The following IL23R variants were observed in gnomAD, a reference collection of about 807,000 sequenced individuals.
IL23R encodes the protein interleukin-23 receptor.
In IL23R, 34 loss-of-function variants were observed where a neutral mutation model predicts 56.9. That is an observed-to-expected ratio of 0.60 (90% CI 0.45 to 0.80). IL23R has a LOEUF of 0.80. Ranked by LOEUF, IL23R falls within the 30% of genes least tolerant of loss-of-function variation. The pLI, the probability that IL23R is intolerant of heterozygous loss-of-function variation, is 0.00. For synonymous variants in IL23R, 230 were observed against 249.2 expected (o/e 0.92, Z 0.73); for missense variants, 635 against 730.0 (o/e 0.87, Z 1.50).
intron 5 of IL23R, among the ~76,000 whole-genome samples, chr1:67,204,958 T>G (rs1359107326): frequency 2.0e-5 from 3 of 152,100 alleles, no homozygotes; most frequent in Non-Finnish European, 4.4e-5. Flanking sequence ...TTTGTATTTT[T>G]AGTAGAGACA....
intron 9 of IL23R, among the ~76,000 whole-genome samples, chr1:67,245,529 AT>A (rs1421269202): frequency 6.6e-6 from 1 of 152,244 alleles, no homozygotes; most frequent in African/African-American, 2.4e-5. Flanking sequence ...GGGCTGTTGA[AT>A]TTTGTCAAAG....
chr1:67,166,328 A>G (rs922983053), upstream of IL23R: 2 of 152,360 alleles, frequency 1.3e-5, no homozygotes, highest in East Asian at 1.9e-4. Context: ...AAATAGTGAC[A>G]CGAGAGCCAG....
intron 4 of IL23R, among the ~76,000 whole-genome samples, chr1:67,189,091 T>C (rs946914109): frequency 3.3e-5 from 5 of 151,988 alleles, no homozygotes; most frequent in Non-Finnish European, 5.9e-5. Flanking sequence ...TTTGGAAAAA[T>C]CTAGAAAGAG....
chr1:67,219,282 C>T lies in IL23R; in HGVS notation c.799-292C>T, dbSNP rs190037468. Among the ~76,000 whole-genome samples the T allele has an allele frequency of 5.5e-4, 84 of 152,072 alleles. 1 individual carries two copies. The highest frequency in any genetic ancestry group is 2.3e-3 in the South Asian group (11 of 4,810). On this transcript the variant is annotated intron_variant, in intron 6 of 10. Coordinates refer to ENST00000347310, the MANE Select transcript of IL23R (RefSeq NM_144701.3). ...ACTTGGGAGGCTGAGGCAGAAGAAT[C>T]GCTTGAACCCGGGAGGCGGAGGTTG...
Position 67,139,385 on chromosome 1 carries a change from A to T in IL23R, c.-634+224A>T, listed in dbSNP as rs114430898. ...CAAAAAGCAGGTACATGAAACGTTC[A>T]TTATGTTTCTATGCCTCCAGCACTC... On this transcript the variant is annotated intron_variant, in intron 1 of 10. Coordinates refer to the IL23R transcript ENST00000637002. Among the ~76,000 whole-genome samples, 489 of 152,290 alleles carry T rather than the reference A, an allele frequency of 3.2e-3. 5 individuals are homozygous for T. The highest frequency in any genetic ancestry group is 0.012 in the African/African-American group (481 of 41,568).
At chr1:67,184,143 G>A (rs1426685127) in intron 4 of IL23R, among the ~76,000 whole-genome samples, 1 of 152,092 alleles carries the variant, frequency 6.6e-6, no homozygotes, top group Non-Finnish European at 1.5e-5. Context: ...CTGAAGCAGG[G>A]AGAATTGCTT....
upstream of IL23R, among the ~76,000 whole-genome samples, chr1:67,164,934 G>A (rs560314659): frequency 2.5e-4 from 38 of 152,232 alleles, no homozygotes; most frequent in African/African-American, 7.2e-4. Context: ...TGAGCTGGGC[G>A]TGGTGGCTCA....
intron 7 of IL23R, among the ~76,000 whole-genome samples, chr1:67,232,353 A>G (rs904179012): frequency 4.6e-5 from 7 of 152,138 alleles, no homozygotes. Flanking sequence ...GGCAGCCCCA[A>G]CACACCATGG....
At chr1:67,170,234 C>A (rs982260917) in intron 3 of IL23R, among the ~76,000 whole-genome samples, 6 of 152,098 alleles carry the variant, frequency 3.9e-5, no homozygotes, top group African/African-American at 1.4e-4. Context: ...CTGTGTTATG[C>A]ACTTAATTTC....
At chr1:67,245,800 G>T (rs1652180075) in intron 9 of IL23R, among the ~76,000 whole-genome samples, 2 of 152,062 alleles carry the variant, frequency 1.3e-5, no homozygotes, top group Non-Finnish European at 2.9e-5. Flanking sequence ...GCCAGGTTTT[G>T]GTATCAGAAT....
At chr1:67,201,639 T>C (rs1648647190) in intron 5 of IL23R, among the ~76,000 whole-genome samples, 1 of 151,982 alleles carries the variant, frequency 6.6e-6, no homozygotes, top group African/African-American at 2.4e-5. Context: ...TAAATTCTTA[T>C]ACTCTATACA....
At position 67,207,019 on chromosome 1, in the gene IL23R, A is replaced by T. The variant is rs1649118319; in HGVS notation, c.762A>T (p.Glu254Asp). 3 of 1,614,054 alleles carry T rather than the reference A, an allele frequency of 1.9e-6. No homozygotes were observed. The highest frequency in any genetic ancestry group is 2.5e-6 in the Non-Finnish European group (3 of 1,179,986). ...CAACAATTGAAAAGGTTTCCTGTGAAATGAGATACAAGGCTACAACAAACC... is the reference window on the plus strand; with the variant it reads ...CAACAATTGAAAAGGTTTCCTGTGATATGAGATACAAGGCTACAACAAACC... ...SQTTIEKVSCEMRYKATTNQT... is the reference protein window; with the variant it reads ...SQTTIEKVSCDMRYKATTNQT... Residue 254 changes from glutamate (E) to aspartate (D), a missense_variant, in exon 6 of 11, where the codon GAA becomes GAT. Glu to Asp is a conservative substitution (Grantham distance 45). Coordinates refer to ENST00000347310, the MANE Select transcript of IL23R (RefSeq NM_144701.3).
chr1:67,248,473 T>G (rs1358007785), intron 9 of IL23R, among the ~76,000 whole-genome samples: 1 of 152,228 alleles, frequency 6.6e-6, no homozygotes, highest in African/African-American at 2.4e-5. Flanking sequence ...TCAGGTCATT[T>G]ATGTTCTTCT....
intron 3 of IL23R, among the ~76,000 whole-genome samples, chr1:67,171,218 A>G (rs190581484): frequency 6.6e-6 from 1 of 152,326 alleles, no homozygotes; most frequent in East Asian, 1.9e-4. Context: ...CAGTTACAGA[A>G]AAAGCTTAGT....
At chr1:67,248,713 G>C (rs569937717) in intron 9 of IL23R, among the ~76,000 whole-genome samples, 3 of 152,198 alleles carry the variant, frequency 2.0e-5, no homozygotes, top group South Asian at 2.1e-4. Context: ...GGAAATTTCA[G>C]CTTTTTTGTG....
intron 9 of IL23R, among the ~76,000 whole-genome samples, chr1:67,243,981 G>T (rs1053156442): frequency 6.6e-6 from 1 of 152,124 alleles, no homozygotes; most frequent in African/African-American, 2.4e-5. Context: ...CTTGTTTCCT[G>T]ACTTTTTAAT....
intron 7 of IL23R, among the ~76,000 whole-genome samples, chr1:67,232,569 T>A (rs1294640352): frequency 6.6e-6 from 1 of 152,242 alleles, no homozygotes; most frequent in East Asian, 1.9e-4. Flanking sequence ...AAGTTATTTA[T>A]CCTTTCTACT....
intron 3 of IL23R, among the ~76,000 whole-genome samples, chr1:67,181,296 A>G (rs1473525370): frequency 6.6e-6 from 1 of 152,070 alleles, no homozygotes; most frequent in Non-Finnish European, 1.5e-5. Flanking sequence ...TGGTCTTTTC[A>G]CATAGTCCCG....
chr1:67,155,826 G>A (rs559070119), intron 1 of IL23R, among the ~76,000 whole-genome samples: 10 of 152,240 alleles, frequency 6.6e-5, no homozygotes, highest in South Asian at 2.1e-4. Flanking sequence ...TCAGTTCTGC[G>A]CCCTTACTGA....
Sources: allele counts gnomAD v4.1 joint callset (sites outside exome capture counted in the v4.1 genomes callset), GRCh38; gene constraint gnomAD v4.1.1; transcripts MANE v1.5; gene names NCBI Gene and HGNC (gene_info 2026-07-23, HGNC 2026-07-21).